Variants in LRRC4C observed in about 807,000 individuals in gnomAD.
LRRC4C encodes leucine-rich repeat-containing protein 4C.
Under a neutral mutation model 33.6 loss-of-function variants are expected in LRRC4C, and 5 were observed. The ratio of observed to expected loss-of-function variants is 0.15; its 90% CI spans 0.08 to 0.31. The LOEUF (loss-of-function observed/expected upper bound fraction) is 0.31. LRRC4C is among the 10% of genes least tolerant of loss of function. The pLI, the probability that LRRC4C is intolerant of heterozygous loss-of-function variation, is 1.00. For missense variants in LRRC4C, 560 were observed against 796.7 expected, an observed-to-expected ratio of 0.70 and a Z score of 3.58; for synonymous variants, 329 against 302.0, an observed-to-expected ratio of 1.09 and a Z score of -0.93.
intron 1 of LRRC4C, among the ~76,000 whole-genome samples, chr11:41,253,987 G>T (rs973408089): frequency 6.6e-6 from 1 of 151,906 alleles, no homozygotes; most frequent in African/African-American, 2.4e-5. Context: ...TAACAGCTGA[G>T]TTTTAAGTGT....
rs2135292166 is a variant in LRRC4C at position 40,528,922 on chromosome 11, G to A, written c.-270+119220C>T. 1.3e-5 allele frequency among the ~76,000 whole-genome samples: 2 copies of A among 152,192 alleles called. 1 individual carries two copies. The highest frequency in any genetic ancestry group is 4.1e-4 in the South Asian group (2 of 4,824). The stretch of plus-strand genomic sequence containing the variant: ...ATACTGAATGATTCCACTTATATGA[G>A]GTTTCTAAAATAGTCAAACTCATAG... On this transcript the variant is annotated intron_variant, in intron 3 of 6. Coordinates refer to ENST00000528697, the MANE Select transcript of LRRC4C (RefSeq NM_001258419.2).
At chr11:40,429,671 T>G (rs1308248508) in intron 3 of LRRC4C, among the ~76,000 whole-genome samples, 3 of 152,178 alleles carry the variant, frequency 2.0e-5, no homozygotes, top group Non-Finnish European at 4.4e-5. Flanking sequence ...TTTTCATCTT[T>G]AAAGAGTTTT....
intron 3 of LRRC4C, among the ~76,000 whole-genome samples, chr11:40,531,132 C>A (rs1167874499): frequency 6.6e-6 from 1 of 152,020 alleles, no homozygotes; most frequent in Non-Finnish European, 1.5e-5. Context: ...GTGCTACTTG[C>A]CCTTTCTCTT....
At chr11:41,354,688 A>G (rs925228120) in intron 1 of LRRC4C, among the ~76,000 whole-genome samples, 1 of 151,996 alleles carries the variant, frequency 6.6e-6, no homozygotes, top group African/African-American at 2.4e-5. Flanking sequence ...AGGTTAGACA[A>G]CCCAGAAATA....
At chr11:41,065,704 T>G (rs373329894) in intron 1 of LRRC4C, among the ~76,000 whole-genome samples, 2 of 152,148 alleles carry the variant, frequency 1.3e-5, no homozygotes, top group African/African-American at 2.4e-5. Context: ...GGGATGAAGC[T>G]TCCGGAGGAA....
At chr11:40,311,359 T>C (rs1277936951) in intron 4 of LRRC4C, among the ~76,000 whole-genome samples, 1 of 152,224 alleles carries the variant, frequency 6.6e-6, no homozygotes, top group Non-Finnish European at 1.5e-5. Context: ...TTTATCCTCC[T>C]GGGTAACCCT....
chr11:40,570,049 G>A (rs1486337013), intron 3 of LRRC4C, among the ~76,000 whole-genome samples: 1 of 151,480 alleles, frequency 6.6e-6, no homozygotes. Flanking sequence ...TATAAAATAT[G>A]CACATATTAT....
intron 2 of LRRC4C, among the ~76,000 whole-genome samples, chr11:40,665,326 ATAT>A (rs1489292643): frequency 1.5e-3 from 9 of 5,874 alleles, no homozygotes; most frequent in African/African-American, 2.1e-3. Flanking sequence ...AAAAAAAAAA[ATAT>A]ATATATATAT....
intron 1 of LRRC4C, among the ~76,000 whole-genome samples, chr11:41,442,392 A>G (rs1359432380): frequency 6.6e-6 from 1 of 151,798 alleles, no homozygotes; most frequent in East Asian, 1.9e-4. Flanking sequence ...GGCAAATTTC[A>G]ACAAATAGGA....
chr11:40,353,241 T>G (rs1947498554), intron 3 of LRRC4C, among the ~76,000 whole-genome samples: 1 of 152,184 alleles, frequency 6.6e-6, no homozygotes, highest in Admixed American at 6.5e-5. Flanking sequence ...TTTTCTAGAT[T>G]TTTGTAGTTG....
chr11:40,709,181 A>G (rs898722963), intron 2 of LRRC4C, among the ~76,000 whole-genome samples: 1 of 152,138 alleles, frequency 6.6e-6, no homozygotes, highest in Non-Finnish European at 1.5e-5. Flanking sequence ...GTGTCTTTTA[A>G]TTGGGGCATT....
At chr11:40,283,593 C>A (rs1943627945) in intron 4 of LRRC4C, among the ~76,000 whole-genome samples, 1 of 151,636 alleles carries the variant, frequency 6.6e-6, no homozygotes, top group African/African-American at 2.4e-5. Context: ...TTAGATCAGG[C>A]CACTCATTTA....
At chr11:41,432,477 G>A (rs1414695947) in intron 1 of LRRC4C, among the ~76,000 whole-genome samples, 1 of 152,030 alleles carries the variant, frequency 6.6e-6, no homozygotes, top group East Asian at 1.9e-4. Flanking sequence ...AGTGTCATTA[G>A]GTTATATTAA....
chr11:41,269,252 T>A (rs1170460867), intron 1 of LRRC4C, among the ~76,000 whole-genome samples: 1 of 142,826 alleles, frequency 7.0e-6, no homozygotes, highest in African/African-American at 2.6e-5. Flanking sequence ...GTGGGCAGTG[T>A]CAAAGAAGCA....
chr11:40,297,142 CTT>C (rs1944552942), intron 4 of LRRC4C, among the ~76,000 whole-genome samples: 1 of 152,108 alleles, frequency 6.6e-6, no homozygotes, highest in Admixed American at 6.6e-5. Flanking sequence ...AATTCAGTAA[CTT>C]TGCTTAAAAA....
At chr11:40,681,808 G>T (rs968398167) in intron 2 of LRRC4C, among the ~76,000 whole-genome samples, 2 of 152,182 alleles carry the variant, frequency 1.3e-5, no homozygotes, top group African/African-American at 2.4e-5. Flanking sequence ...ACCTGGATGA[G>T]ATTAGAGACT....
At chr11:41,127,617 A>T (rs1225369820) in intron 1 of LRRC4C, among the ~76,000 whole-genome samples, 2 of 152,076 alleles carry the variant, frequency 1.3e-5, no homozygotes, top group African/African-American at 2.4e-5. Flanking sequence ...ATACCTCCAC[A>T]TATCTATTAT....
intron 1 of LRRC4C, among the ~76,000 whole-genome samples, chr11:41,246,659 C>T (rs1475026551): frequency 6.6e-6 from 1 of 152,176 alleles, no homozygotes; most frequent in African/African-American, 2.4e-5. Context: ...CTGGCTGCCA[C>T]TGTCATCAAT....
At chr11:40,587,378 G>A (rs1208752852) in intron 3 of LRRC4C, among the ~76,000 whole-genome samples, 3 of 146,314 alleles carry the variant, frequency 2.1e-5, no homozygotes, top group African/African-American at 7.7e-5. Context: ...ATTTTGGGCT[G>A]AGACAATGGG....
Sources: gnomAD v4.1 joint callset for allele counts (sites outside exome capture counted in the v4.1 genomes callset) on GRCh38, gnomAD v4.1.1 for gene constraint, MANE v1.5 for transcripts, NCBI Gene and HGNC (gene_info 2026-07-23, HGNC 2026-07-21) for gene names.